Variants in THTPA observed in about 807,000 individuals in gnomAD.
The protein encoded by THTPA is thiamine triphosphatase, also known as thiamine-triphosphatase.
THTPA carries 16 observed loss-of-function variants against 16.5 expected under a neutral mutation model. The observed-to-expected ratio is 0.97, with a 90% CI of 0.66 to 1.47. The LOEUF is 1.47. Ranked by LOEUF, THTPA falls within the 40% of genes most tolerant of loss-of-function variation. THTPA has a pLI of 0.00. For synonymous variants in THTPA, 110 were observed against 115.5 expected (o/e 0.95, Z 0.30); for missense variants, 281 against 280.9 (o/e 1.00, Z 0.00).
the THTPA span, chr14:23,523,359 G>A: frequency 6.8e-7 from 1 of 1,475,144 alleles, no homozygotes; most frequent in Non-Finnish European, 9.0e-7. This position sits in a 1 kb window ranked among gnomAD's most constrained non-coding sequence, Gnocchi z 4.1. Context: ...GGAGCCTCAG[G>A]TGCTGGGGCC....
At chr14:23,530,319 G>T in the THTPA span, 1 of 763,902 alleles carries the variant, frequency 1.3e-6, no homozygotes. Flanking sequence ...CAATCAGCAG[G>T]TAGGAGAGTA....
At chr14:23,557,969 A>G (rs1882671803) in intron 1 of THTPA, among the ~76,000 whole-genome samples, 1 of 152,242 alleles carries the variant, frequency 6.6e-6, no homozygotes, top group Admixed American at 6.5e-5. Context: ...GTAAAGGACA[A>G]TAACATTATA....
the THTPA span, among the ~76,000 whole-genome samples, chr14:23,512,483 A>C: frequency 6.6e-6 from 1 of 151,714 alleles, no homozygotes; most frequent in South Asian, 2.1e-4. Flanking sequence ...AAAAAGAAAC[A>C]ACCACAGGCG....
the THTPA span, among the ~76,000 whole-genome samples, chr14:23,528,182 T>A: frequency 6.6e-6 from 1 of 152,290 alleles, no homozygotes; most frequent in South Asian, 2.1e-4. Flanking sequence ...GTGCTGGGAT[T>A]ACAGGCGTGA....
chr14:23,525,248 G>C, the THTPA span: 1 of 1,536,138 alleles, frequency 6.5e-7, no homozygotes, highest in Non-Finnish European at 8.7e-7. This position sits in a 1 kb window ranked among gnomAD's most constrained non-coding sequence, Gnocchi z 5.9. Context: ...TCGCTCTTCA[G>C]GGGCACGGGT....
chr14:23,529,978 A>G, the THTPA span: 1 of 1,009,862 alleles, frequency 9.9e-7, no homozygotes, highest in East Asian at 2.6e-5. Context: ...CTCGTGGCTC[A>G]GCCTCCCTTC....
chr14:23,533,498 G>A, the THTPA span: 1 of 1,535,962 alleles, frequency 6.5e-7, no homozygotes, highest in African/African-American at 1.4e-5. This position sits in a 1 kb window ranked among gnomAD's most constrained non-coding sequence, Gnocchi z 4.8. Context: ...ATCAATCCAG[G>A]TGGCAGGCCC....
At chr14:23,534,653 T>C in the THTPA span, 1 of 1,536,146 alleles carries the variant, frequency 6.5e-7, no homozygotes, top group East Asian at 2.4e-5. This position sits in a 1 kb window ranked among gnomAD's most constrained non-coding sequence, Gnocchi z 4.5. Flanking sequence ...CTGTTCCCCA[T>C]GGGGCCATCT....
At chr14:23,523,493 TA>T in the THTPA span, 4 of 1,536,272 alleles carry the variant, frequency 2.6e-6, no homozygotes, top group Non-Finnish European at 3.5e-6. This position sits in a 1 kb window ranked among gnomAD's most constrained non-coding sequence, Gnocchi z 4.1. Flanking sequence ...GACATCACAA[TA>T]GGGGCAGTCA....
At chr14:23,554,335 G>A (rs1196855329), upstream of THTPA, among the ~76,000 whole-genome samples, 1 of 152,104 alleles carries the variant, frequency 6.6e-6, no homozygotes, top group Admixed American at 6.5e-5. Context: ...ACATGGAGTG[G>A]GGACAGAGGT....
the THTPA span, chr14:23,526,653 T>C: frequency 6.5e-7 from 1 of 1,535,944 alleles, no homozygotes; most frequent in Non-Finnish European, 8.7e-7. Flanking sequence ...GGATCTGGAC[T>C]GGCTTCTGGG....
chr14:23,522,516 G>A, the THTPA span: 2 of 1,530,398 alleles, frequency 1.3e-6, no homozygotes, highest in East Asian at 4.9e-5. Flanking sequence ...AGGGTCTGAG[G>A]TATCATGGGG....
chr14:23,527,311 G>T, the THTPA span, among the ~76,000 whole-genome samples: 3 of 152,196 alleles, frequency 2.0e-5, no homozygotes, highest in Non-Finnish European at 4.4e-5. Flanking sequence ...AGTAGAGGCA[G>T]CTAGACAAGC....
At chr14:23,533,048 G>T in the THTPA span, 8 of 1,534,242 alleles carry the variant, frequency 5.2e-6, no homozygotes, top group Non-Finnish European at 7.0e-6. This position sits in a 1 kb window ranked among gnomAD's most constrained non-coding sequence, Gnocchi z 4.8. Flanking sequence ...GAGCTGACTT[G>T]GAGGCAGGTG....
chr14:23,545,670 C>G, the THTPA span, among the ~76,000 whole-genome samples: 1 of 152,178 alleles, frequency 6.6e-6, no homozygotes. Context: ...CCTGAAGAAG[C>G]TGGAGATGAG....
At chr14:23,519,551 G>A in the THTPA span, among the ~76,000 whole-genome samples, 1 of 152,118 alleles carries the variant, frequency 6.6e-6, no homozygotes, top group African/African-American at 2.4e-5. Context: ...CTAGATCTGT[G>A]ACTGGCATTT....
At chr14:23,521,836 G>T in the THTPA span, 18 of 1,460,400 alleles carry the variant, frequency 1.2e-5, no homozygotes, top group Non-Finnish European at 1.6e-5. Context: ...GGTGGGAACT[G>T]AACAGTTCCT....
the THTPA span, chr14:23,542,256 G>A: frequency 6.6e-6 from 1 of 152,572 alleles, no homozygotes; most frequent in South Asian, 2.1e-4. Context: ...GATGCTTAAG[G>A]TGGGCATGAG....
the THTPA span, among the ~76,000 whole-genome samples, chr14:23,518,479 C>T: frequency 7.9e-5 from 12 of 152,260 alleles, no homozygotes; most frequent in African/African-American, 2.9e-4. The surrounding 1 kb of genome is among the most constrained non-coding windows in gnomAD (Gnocchi z 4.5). Context: ...TCTTGTTTGG[C>T]CATTAAGGCT....
Sources: gnomAD v4.1 joint callset for allele counts (sites outside exome capture counted in the v4.1 genomes callset) on GRCh38, gnomAD v4.1.1 for gene constraint, Gnocchi (gnomAD v3.1) non-coding constraint, MANE v1.5 for transcripts, NCBI Gene and HGNC (gene_info 2026-07-23, HGNC 2026-07-21) for gene names.